The following FBP1 variants were observed in gnomAD, a reference collection of about 807,000 sequenced individuals.
FBP1 encodes the protein fructose-bisphosphatase 1, also known as fructose-1,6-bisphosphatase 1.
In FBP1, 22 loss-of-function variants were observed where a neutral mutation model predicts 29.9. The observed-to-expected ratio is 0.74, with a 90% CI of 0.53 to 1.05. The LOEUF is 1.05. FBP1 is among the 50% of genes least tolerant of loss of function. The pLI is 0.00. For synonymous variants in FBP1, 175 were observed against 178.6 expected, an observed-to-expected ratio of 0.98 and a Z score of 0.16; for missense variants, 345 against 448.2, an observed-to-expected ratio of 0.77 and a Z score of 2.08.
At chr9:94,635,086 C>CAAAAAA (rs11289183) in intron 1 of FBP1, among the ~76,000 whole-genome samples, 5 of 82,238 alleles carry the variant, frequency 6.1e-5, no homozygotes, top group African/African-American at 2.4e-4. Flanking sequence ...GGCCCTGTCT[C>CAAAAAA]AAAAAAAAAA....
intron 6 of FBP1, chr9:94,603,946 A>G (rs1827653055): frequency 3.1e-6 from 1 of 325,862 alleles, no homozygotes; most frequent in Non-Finnish European, 6.0e-6. Context: ...AGCTTCGCCT[A>G]TTCTAAAAGC....
chr9:94,622,971 A>ATTATTT (rs71366251), intron 1 of FBP1, among the ~76,000 whole-genome samples: 57,737 of 147,666 alleles, frequency 0.39, 11,905 homozygotes, highest in East Asian at 0.77. Context: ...TCACTTTATG[A>ATTATTT]TTATTTTTAT....
At chr9:94,631,804 G>T (rs1361063026) in intron 1 of FBP1, among the ~76,000 whole-genome samples, 1 of 152,084 alleles carries the variant, frequency 6.6e-6, no homozygotes, top group Non-Finnish European at 1.5e-5. Flanking sequence ...GCTTGTTACT[G>T]CTTGATTCCA....
Position 94,620,507 on chromosome 9 carries a change from G to T in FBP1, c.171-16C>A, listed in dbSNP as rs1827931407. 6.2e-7 allele frequency: 1 copy of T among 1,613,368 alleles called. No individual in the cohort carries two copies. Among genetic ancestry groups the T allele is most frequent in the Non-Finnish European group, 8.5e-7 (1 of 1,179,684 alleles). On this transcript the variant is annotated splice_polypyrimidine_tract_variant and intron_variant, in intron 1 of 6. Coordinates refer to ENST00000375326, the MANE Select transcript of FBP1 (RefSeq NM_000507.4). Reference sequence around the variant, plus strand: ...AATGCCATAGCTACAGGGAACAAAAGCCACAAAAAATAAGCCATGACCACC... The same window carrying T: ...AATGCCATAGCTACAGGGAACAAAATCCACAAAAAATAAGCCATGACCACC...
chr9:94,624,023 T>C (rs1827984892), intron 1 of FBP1, among the ~76,000 whole-genome samples: 4 of 152,242 alleles, frequency 2.6e-5, no homozygotes, highest in Non-Finnish European at 5.9e-5. Flanking sequence ...AATGGTACTT[T>C]GAATGTTTTT....
upstream of FBP1, chr9:94,639,933 GC>G: frequency 6.1e-6 from 1 of 165,220 alleles, no homozygotes; most frequent in Middle Eastern, 3.1e-3. Flanking sequence ...TGCAGCTCCT[GC>G]CCCGTGTGGC....
intron 1 of FBP1, among the ~76,000 whole-genome samples, chr9:94,633,867 G>A (rs1828148267): frequency 6.6e-6 from 1 of 151,582 alleles, no homozygotes; most frequent in Non-Finnish European, 1.5e-5. Context: ...ACCACGCCCG[G>A]CTAATTTTTT....
chr9:94,634,348 T>G (rs1018585653), intron 1 of FBP1, among the ~76,000 whole-genome samples: 2 of 152,054 alleles, frequency 1.3e-5, no homozygotes, highest in South Asian at 4.1e-4. Flanking sequence ...CTATTGCGTG[T>G]TAGAACGATA....
At position 94,621,398 on chromosome 9, in the gene FBP1, A is replaced by AAAAAAAAAAATATATAT. The variant is rs58726402; in HGVS notation, c.171-908_171-907insATATATATTTTTTTTTT. ...GCGACAGAGCAAGATTCCGTCTAAA[A>AAAAAAAAAAATATATAT]ATATATATATTTTTAGAAGAAAGGA... On this transcript the variant is annotated intron_variant, in intron 1 of 6. Coordinates refer to ENST00000375326, the MANE Select transcript of FBP1 (RefSeq NM_000507.4). Among the ~76,000 whole-genome samples, 210 of 146,216 alleles carry AAAAAAAAAAATATATAT rather than the reference A, an allele frequency of 1.4e-3. 2 individuals are homozygous for AAAAAAAAAAATATATAT. The highest frequency in any genetic ancestry group is 5.1e-3 in the African/African-American group (195 of 37,968).
intron 3 of FBP1, among the ~76,000 whole-genome samples, chr9:94,611,298 T>G (rs1439248949): frequency 6.6e-6 from 1 of 152,204 alleles, no homozygotes; most frequent in Non-Finnish European, 1.5e-5. Flanking sequence ...ACTTATTCTT[T>G]TCCTAGATTC....
At chr9:94,618,572 G>C (rs956939772) in intron 2 of FBP1, among the ~76,000 whole-genome samples, 22 of 151,848 alleles carry the variant, frequency 1.4e-4, no homozygotes, top group Non-Finnish European at 1.0e-4. Flanking sequence ...CTTGAGCCAG[G>C]AGTTCGAGGC....
intron 6 of FBP1, 30 bp downstream of exon 6, chr9:94,605,427 C>T (rs746810913): frequency 6.2e-7 from 1 of 1,610,686 alleles, no homozygotes. Flanking sequence ...GAAATCTGCT[C>T]CTCACTCCCT....
At position 94,605,672 on chromosome 9, in the gene FBP1, C is replaced by G. The variant is rs1236723424; in HGVS notation, c.706-96G>C. ...GTTTCTTTGATTCCACATCCATTCA[C>G]CGAGCACCTACAAGGTATGTATTTG... On this transcript the variant is annotated intron_variant, in intron 5 of 6. Transcript: ENST00000375326. 3.3e-6 allele frequency: 4 copies of G among 1,206,524 alleles called. No homozygotes were observed. The East Asian group carries it at 9.9e-5, about 30-fold the overall frequency. 74.7% of individuals were successfully genotyped at this position (1,206,524 alleles called of 1,614,324 possible).
rs577938563 is a variant in FBP1 at position 94,620,124 on chromosome 9, G to A, written c.333+205C>T. On this transcript the variant is annotated intron_variant, in intron 2 of 6. Coordinates refer to ENST00000375326, the MANE Select transcript of FBP1 (RefSeq NM_000507.4). Reference sequence around the variant, plus strand: ...TGTGGGAGTCCACTGGGGAGAAGGCGGCGTGAGCCACAACACTCATCTGCA... The same window carrying A: ...TGTGGGAGTCCACTGGGGAGAAGGCAGCGTGAGCCACAACACTCATCTGCA... Among the ~76,000 whole-genome samples the A allele has an allele frequency of 2.6e-5, 4 of 152,254 alleles. No homozygotes were observed. The East Asian group carries it at 5.8e-4, about 22-fold the overall frequency.
chr9:94,639,191 T>C lies in FBP1; in HGVS notation c.120A>G (p.Thr40=), dbSNP rs1240180999. 1.9e-6 allele frequency: 3 copies of C among 1,605,420 alleles called. No homozygotes were observed. Among genetic ancestry groups the C allele is most frequent in the African/African-American group, 2.7e-5 (2 of 74,768 alleles). Residue 40 remains threonine, a synonymous_variant, in exon 1 of 7, where the codon ACA becomes ACG. Transcript: ENST00000375326. ...CCGCCGAAGAGATGGCTTTGACTGC[T>C]GTGCAGAGCGAGTTGAGCAGCTGGG... The part of the protein sequence containing the change: ...ELTQLLNSLC[T]AVKAISSAVR...
rs1326233483 is a variant in FBP1, at chr9:94,603,407, C to T, written c.991G>A (p.Val331Met). Residue 331 changes from valine to methionine, a missense_variant, in exon 7 of 7, where the codon GTG becomes ATG. Physicochemically the swap from Val to Met is conservative, Grantham distance 21. Transcript: ENST00000375326. ...CACTGGGCAGAGTGCTTCTCATACA[C>T]CTTCAGGAACTCGAGCACGTCGTCG... Reference protein sequence around the residue: ...SPDDVLEFLKVYEKHSAQ With the variant: ...SPDDVLEFLKMYEKHSAQ The T allele has an allele frequency of 1.2e-5, 19 of 1,613,876 alleles. No individual in the cohort carries two copies. Among genetic ancestry groups the T allele is most frequent in the Non-Finnish European group, 1.4e-5 (17 of 1,179,972 alleles).
chr9:94,638,086 CAAAAA>C (rs11308338), intron 1 of FBP1, among the ~76,000 whole-genome samples: 1 of 110,220 alleles, frequency 9.1e-6, no homozygotes. Context: ...AATTCCATCT[CAAAAA>C]AAAAAAAAAA....
chr9:94,631,072 C>T (rs185682447), intron 1 of FBP1, among the ~76,000 whole-genome samples: 3 of 152,328 alleles, frequency 2.0e-5, no homozygotes, highest in Admixed American at 1.3e-4. Flanking sequence ...TTGATAAAAT[C>T]TCACTGGGAA....
At chr9:94,630,155 A>T (rs1275249180) in intron 1 of FBP1, among the ~76,000 whole-genome samples, 3 of 152,258 alleles carry the variant, frequency 2.0e-5, no homozygotes, top group Non-Finnish European at 2.9e-5. Flanking sequence ...TTTGTTCACC[A>T]TGTATCCTTA....
Sources: allele counts gnomAD v4.1 joint callset (sites outside exome capture counted in the v4.1 genomes callset), GRCh38; gene constraint gnomAD v4.1.1; transcripts MANE v1.5; gene names NCBI Gene and HGNC (gene_info 2026-07-23, HGNC 2026-07-21).